Variants in SLC16A12 observed in about 807,000 individuals in gnomAD.
The protein encoded by SLC16A12 is solute carrier family 16 member 12, also known as monocarboxylate transporter 12.
Under a neutral mutation model 42.4 loss-of-function variants are expected in SLC16A12, and 17 were observed. That is an observed-to-expected ratio of 0.40 (90% CI 0.27 to 0.60). SLC16A12 has a LOEUF of 0.60. Ranked by LOEUF, SLC16A12 falls within the 20% of genes least tolerant of loss-of-function variation. The probability of loss-of-function intolerance (pLI) is 0.42; values close to 1 mark genes in which losing one functional copy is unlikely to be tolerated. For synonymous variants in SLC16A12, 224 were observed against 229.4 expected (o/e 0.98, Z 0.21); for missense variants, 544 against 623.0 (o/e 0.87, Z 1.35).
intron 2 of SLC16A12, among the ~76,000 whole-genome samples, chr10:89,472,679 G>A (rs896895593): frequency 4.6e-5 from 7 of 151,468 alleles, no homozygotes; most frequent in Non-Finnish European, 7.4e-5. Flanking sequence ...TTTTAGTAGC[G>A]ATGGGATTTC....
chr10:89,462,352 ATAAGT>A, intron 3 of SLC16A12, 22 bp downstream of exon 3: 1 of 1,613,848 alleles, frequency 6.2e-7, no homozygotes. Flanking sequence ...GGTCATCTTA[ATAAGT>A]TAAGAAGAAA....
Position 89,439,202 on chromosome 10 carries a change from C to T in SLC16A12, c.449-19G>A. The T allele has an allele frequency of 6.2e-7, 1 of 1,608,566 alleles. No individual in the cohort carries two copies. Among genetic ancestry groups the T allele is most frequent in the South Asian group, 1.1e-5 (1 of 90,938 alleles). ...CCAAGACCTGAGGATAAAGAGAACT[C>T]TATGAGTGCTGAAGTACCATAAACA... On this transcript the variant is annotated intron_variant, in intron 5 of 7. Transcript: ENST00000371790.
At chr10:89,511,475 CAAG>C (rs1211733181) in intron 2 of SLC16A12, among the ~76,000 whole-genome samples, 1 of 152,044 alleles carries the variant, frequency 6.6e-6, no homozygotes, top group Non-Finnish European at 1.5e-5. Context: ...CAAAGTAACA[CAAG>C]AAGAGAAAAC....
intron 2 of SLC16A12, among the ~76,000 whole-genome samples, chr10:89,478,870 C>T (rs1051314081): frequency 1.3e-5 from 2 of 152,226 alleles, no homozygotes; most frequent in African/African-American, 4.8e-5. Flanking sequence ...CATTTTGACT[C>T]TATCCCAACT....
At chr10:89,515,322 C>T (rs1409536123) in intron 2 of SLC16A12, among the ~76,000 whole-genome samples, 3 of 152,116 alleles carry the variant, frequency 2.0e-5, no homozygotes, top group South Asian at 2.1e-4. Flanking sequence ...AGAATTAATG[C>T]GCTCCTAGGT....
intron 3 of SLC16A12, among the ~76,000 whole-genome samples, chr10:89,445,237 A>G (rs1231230111): frequency 6.6e-6 from 1 of 152,242 alleles, no homozygotes; most frequent in Non-Finnish European, 1.5e-5. Context: ...TGGTTCTTCC[A>G]TCACAGTGTT....
In SLC16A12 at chr10:89,436,118, C is replaced by T. The variant is rs748432746; in HGVS notation, c.1230G>A (p.Ala410=). The T allele has an allele frequency of 1.9e-5, 30 of 1,613,812 alleles. No homozygotes were observed. The highest frequency in any genetic ancestry group is 1.6e-4 in the Middle Eastern group (1 of 6,078). ...EIVGTTSLSS[A]LGVVYFLHAV... ...CGTGAAGGAAGTATACCACACCAAG[C>T]GCTGATGACAAAGAGGTGGTCCCCA... The change falls in exon 7 of 8, where the codon GCG becomes GCA. Residue 410 remains alanine, a synonymous_variant. Coordinates refer to ENST00000371790, the MANE Select transcript of SLC16A12 (RefSeq NM_213606.4).
rs576857939 is a variant in SLC16A12 at position 89,451,326 on chromosome 10, G to A, written c.201-7467C>T. On this transcript the variant is annotated intron_variant, in intron 3 of 7. Transcript: ENST00000371790. ...CAAGACTGCCATGTTAGGCAGGGCC[G>A]GCTTCATGGGAGTGCAGCCTACACA... Among the ~76,000 whole-genome samples, 330 of 152,246 alleles carry A rather than the reference G, an allele frequency of 2.2e-3. 1 individual carries two copies. The highest frequency in any genetic ancestry group is 7.7e-3 in the African/African-American group (319 of 41,554).
chr10:89,537,165 T>A (rs12572394), upstream of SLC16A12, among the ~76,000 whole-genome samples: 39,486 of 144,942 alleles, frequency 0.27, 6,039 homozygotes, highest in African/African-American at 0.41. Context: ...TTTTTTTTTT[T>A]GGGAAGGAGT....
intron 2 of SLC16A12, among the ~76,000 whole-genome samples, chr10:89,534,208 G>C (rs557840430): frequency 2.0e-5 from 3 of 152,130 alleles, no homozygotes; most frequent in Non-Finnish European, 4.4e-5. Context: ...GGTCACCTTG[G>C]GGGCGCAGGG....
intron 2 of SLC16A12, among the ~76,000 whole-genome samples, chr10:89,529,122 T>G (rs1352429040): frequency 2.6e-5 from 4 of 152,120 alleles, no homozygotes; most frequent in African/African-American, 9.7e-5. Context: ...TTGTCGTGAG[T>G]TTTTATTTTT....
Position 89,510,783 on chromosome 10 carries a change from A to T in SLC16A12, c.-47+23718T>A, listed in dbSNP as rs186776732. On this transcript the variant is annotated intron_variant, in intron 2 of 7. Transcript: ENST00000371790. ...GCACAGCAAAAGAAACTATCAGCAG[A>T]GTGAACAGGCAACCTACAGAATGGG... Among the ~76,000 whole-genome samples, 26 of 152,346 alleles carry T rather than the reference A, an allele frequency of 1.7e-4. No homozygotes were observed. In the East Asian group the frequency reaches 4.8e-3, roughly 28 times the overall value.
chr10:89,461,591 C>T (rs1270555177), intron 3 of SLC16A12, among the ~76,000 whole-genome samples: 1 of 152,212 alleles, frequency 6.6e-6, no homozygotes, highest in Non-Finnish European at 1.5e-5. Context: ...ACCATTATGA[C>T]TATGATCTCT....
At chr10:89,515,570 T>G (rs763640873) in intron 2 of SLC16A12, among the ~76,000 whole-genome samples, 22 of 152,192 alleles carry the variant, frequency 1.4e-4, no homozygotes, top group Admixed American at 1.3e-4. Flanking sequence ...CAGATGCTTC[T>G]TATCCCCGTT....
At chr10:89,539,885 C>CTTTCTTTCTTTA (rs781075810), upstream of SLC16A12, among the ~76,000 whole-genome samples, 158 of 144,466 alleles carry the variant, frequency 1.1e-3, no homozygotes, top group Non-Finnish European at 2.0e-3. Flanking sequence ...TTCTTTCTTT[C>CTTTCTTTCTTTA]TTTCTTTCTT....
At chr10:89,554,107 G>GGAAGGAAGGAAGGAAA (rs1843792541) in intron 2 of SLC16A12, among the ~76,000 whole-genome samples, 1 of 125,912 alleles carries the variant, frequency 7.9e-6, no homozygotes, top group African/African-American at 3.1e-5. Context: ...AAAGAAGGAA[G>GGAAGGAAGGAAGGAAA]GAAGGAAGGA....
intron 7 of SLC16A12, among the ~76,000 whole-genome samples, chr10:89,434,742 C>T (rs1564822823): frequency 6.6e-6 from 1 of 152,132 alleles, no homozygotes; most frequent in Non-Finnish European, 1.5e-5. Context: ...AGAACTTGTT[C>T]ACTCTCTCAG....
chr10:89,526,270 A>G (rs985746456), intron 2 of SLC16A12, among the ~76,000 whole-genome samples: 8 of 152,244 alleles, frequency 5.3e-5, no homozygotes, highest in African/African-American at 4.8e-5. Context: ...ACGTGAATAC[A>G]GAGAACGGCA....
At position 89,462,661 on chromosome 10, in the gene SLC16A12, G is replaced by A. The variant is rs569483974; in HGVS notation, c.-46-37C>T. 8 of 1,507,032 alleles carry A rather than the reference G, an allele frequency of 5.3e-6. No individual in the cohort carries two copies. The Admixed American group carries it at 1.8e-4, about 33-fold the overall frequency. The allele number at this position is 1,507,032 out of a possible 1,614,324, so 93.4% of individuals were successfully genotyped here. On this transcript the variant is annotated intron_variant, in intron 2 of 7. Transcript: ENST00000371790. ...AATCAGGACATATTTATATCTTATT[G>A]CTATGTCCAAAGGTTGATTTTTCTT...
Sources: gnomAD v4.1 joint callset for allele counts (sites outside exome capture counted in the v4.1 genomes callset) on GRCh38, gnomAD v4.1.1 for gene constraint, MANE v1.5 for transcripts, NCBI Gene and HGNC (gene_info 2026-07-23, HGNC 2026-07-21) for gene names.